The following GALNT17 variants were observed in gnomAD, a reference collection of about 807,000 sequenced individuals.
GALNT17 encodes UDP-GalNAc:polypeptide N-acetylgalactosaminyltransferase-like 3.
GALNT17 carries 29 observed loss-of-function variants against 63.7 expected under a neutral mutation model. That is an observed-to-expected ratio of 0.46 (90% CI 0.34 to 0.62). The LOEUF is 0.62. Among genes scored for constraint, GALNT17 ranks in the 20% least tolerant of loss-of-function variants. The probability of loss-of-function intolerance (pLI) is 0.01; values close to 1 mark genes in which losing one functional copy is unlikely to be tolerated. For missense variants in GALNT17, 603 were observed against 799.6 expected, an observed-to-expected ratio of 0.75 and a Z score of 2.97; for synonymous variants, 305 against 318.3, an observed-to-expected ratio of 0.96 and a Z score of 0.45.
chr7:71,386,447 G>A (rs185366735), intron 2 of GALNT17, among the ~76,000 whole-genome samples: 52 of 152,168 alleles, frequency 3.4e-4, no homozygotes, highest in African/African-American at 1.2e-3. Flanking sequence ...CAGGTACCTC[G>A]GCACTCCATT....
At position 71,694,011 on chromosome 7, in the gene GALNT17, T is replaced by G. The variant is rs565980043; in HGVS notation, c.1500+16705T>G. On this transcript the variant is annotated intron_variant, in intron 9 of 10. Coordinates refer to ENST00000333538, the MANE Select transcript of GALNT17 (RefSeq NM_022479.3). ...TAAAGTCGTACCTGAGACTGGGCAATTTACAAAACAAGGAGGTTTAATGGA... is the reference window on the plus strand; with the variant it reads ...TAAAGTCGTACCTGAGACTGGGCAAGTTACAAAACAAGGAGGTTTAATGGA... Among the ~76,000 whole-genome samples, 3 of 152,166 alleles carry G rather than the reference T, an allele frequency of 2.0e-5. No individual in the cohort carries two copies. In the South Asian group the frequency reaches 6.2e-4, roughly 32 times the overall value.
chr7:71,544,863 T>C (rs1221555400), intron 5 of GALNT17, among the ~76,000 whole-genome samples: 2 of 151,604 alleles, frequency 1.3e-5, no homozygotes, highest in Non-Finnish European at 2.9e-5. Context: ...TTTTTTTTTT[T>C]CATCTGTAAG....
chr7:71,277,337 A>G (rs1056462817), intron 1 of GALNT17, among the ~76,000 whole-genome samples: 11 of 152,158 alleles, frequency 7.2e-5, no homozygotes, highest in African/African-American at 2.4e-4. Flanking sequence ...ACTGGGGACT[A>G]TAAAAGGAGG....
intron 1 of GALNT17, among the ~76,000 whole-genome samples, chr7:71,267,881 C>T (rs1283626947): frequency 7.2e-6 from 1 of 139,790 alleles, no homozygotes; most frequent in Non-Finnish European, 1.5e-5. Flanking sequence ...TCCCAGCAGG[C>T]CCCAGTGTGT....
At chr7:71,179,043 G>A (rs1796057) in intron 1 of GALNT17, among the ~76,000 whole-genome samples, 40,027 of 152,036 alleles carry the variant, frequency 0.26, 9,792 homozygotes, top group African/African-American at 0.66. Flanking sequence ...GCTGGGCTCA[G>A]ACTTCAAACT....
intron 2 of GALNT17, among the ~76,000 whole-genome samples, chr7:71,358,862 G>A (rs928635129): frequency 1.3e-5 from 2 of 151,440 alleles, no homozygotes; most frequent in East Asian, 1.9e-4. Context: ...CAACCTCTGT[G>A]TCCTGGGTTC....
chr7:71,681,047 AT>A, intron 9 of GALNT17, among the ~76,000 whole-genome samples: 1 of 152,144 alleles, frequency 6.6e-6, no homozygotes, highest in South Asian at 2.1e-4. Context: ...CTAAAGGCAG[AT>A]GCCACCATGT....
intron 1 of GALNT17, among the ~76,000 whole-genome samples, chr7:71,171,719 G>A (rs1393733302): frequency 1.3e-5 from 2 of 152,188 alleles, no homozygotes; most frequent in Non-Finnish European, 2.9e-5. Context: ...ACACGATGAG[G>A]TTGAATGTGG....
intron 5 of GALNT17, among the ~76,000 whole-genome samples, chr7:71,501,653 A>G (rs1788182454): frequency 1.3e-5 from 2 of 152,048 alleles, no homozygotes; most frequent in Non-Finnish European, 2.9e-5. Context: ...CTGAGTGTTG[A>G]TAGGGACTCT....
At chr7:71,615,026 A>G (rs891571173) in intron 6 of GALNT17, among the ~76,000 whole-genome samples, 3 of 152,148 alleles carry the variant, frequency 2.0e-5, no homozygotes, top group Admixed American at 2.0e-4. Context: ...GACACGGATT[A>G]CTGTTTGTTG....
chr7:71,681,895 G>GTTTTGT (rs924822516), intron 9 of GALNT17, among the ~76,000 whole-genome samples: 2 of 151,956 alleles, frequency 1.3e-5, no homozygotes, highest in Admixed American at 6.6e-5. Flanking sequence ...TCAGGGGAAG[G>GTTTTGT]TTTTGTTTTT....
intron 1 of GALNT17, among the ~76,000 whole-genome samples, chr7:71,304,882 T>TAA (rs1171918652): frequency 6.6e-6 from 1 of 152,204 alleles, no homozygotes; most frequent in Non-Finnish European, 1.5e-5. Flanking sequence ...TAGCTGGGAT[T>TAA]ACAGGTGCCC....
chr7:71,159,931 A>C (rs551303754), intron 1 of GALNT17, among the ~76,000 whole-genome samples: 1 of 151,220 alleles, frequency 6.6e-6, no homozygotes, highest in Non-Finnish European at 1.5e-5. Context: ...ACAGGTGTGC[A>C]CCACCACTCA....
intron 4 of GALNT17, among the ~76,000 whole-genome samples, chr7:71,417,749 T>C (rs1051923984): frequency 6.6e-6 from 1 of 152,196 alleles, no homozygotes; most frequent in Admixed American, 6.5e-5. Flanking sequence ...ATACCTTGTC[T>C]TTTCCTTGGC....
At position 71,701,858 on chromosome 7, in the gene GALNT17, C is replaced by T. The variant is rs993908923; in HGVS notation, c.1501-8903C>T. On this transcript the variant is annotated intron_variant, in intron 9 of 10. Coordinates refer to ENST00000333538, the MANE Select transcript of GALNT17 (RefSeq NM_022479.3). ...ATATATATGTGTATATATATATACA[C>T]ATATATATATACATATATATATGTA... 4.2e-3 allele frequency among the ~76,000 whole-genome samples: 90 copies of T among 21,596 alleles called. 3 individuals carry two copies. The highest frequency in any genetic ancestry group is 6.7e-3 in the African/African-American group (69 of 10,370). 14.2% of individuals were successfully genotyped at this position (21,596 alleles called of 152,430 possible). A position where few individuals can be genotyped will look rare whatever the true frequency, so the allele number is the denominator to read the frequency against.
At chr7:71,336,534 C>T (rs1032525675) in intron 2 of GALNT17, among the ~76,000 whole-genome samples, 1 of 152,064 alleles carries the variant, frequency 6.6e-6, no homozygotes, top group African/African-American at 2.4e-5. Context: ...CTATTGTTCC[C>T]CTCTTTATGT....
At chr7:71,377,687 G>A (rs937002588) in intron 2 of GALNT17, among the ~76,000 whole-genome samples, 2 of 152,204 alleles carry the variant, frequency 1.3e-5, no homozygotes, top group African/African-American at 4.8e-5. Context: ...ATCCCCATGT[G>A]TCAAGGGAGG....
chr7:71,297,749 C>A (rs1266911030), intron 1 of GALNT17, among the ~76,000 whole-genome samples: 1 of 152,114 alleles, frequency 6.6e-6, no homozygotes, highest in East Asian at 1.9e-4. Flanking sequence ...TACCATTCAG[C>A]AGTAAAAAGG....
chr7:71,585,885 T>G, intron 6 of GALNT17, among the ~76,000 whole-genome samples: 1 of 146,262 alleles, frequency 6.8e-6, no homozygotes, highest in East Asian at 2.2e-4. Context: ...CACCCCACAC[T>G]TCCCGCCCCA....
Sources: allele counts gnomAD v4.1 joint callset (sites outside exome capture counted in the v4.1 genomes callset), GRCh38; gene constraint gnomAD v4.1.1; transcripts MANE v1.5; gene names NCBI Gene and HGNC (gene_info 2026-07-23, HGNC 2026-07-21).